The following ERBB3 variants were observed in gnomAD, a reference collection of about 807,000 sequenced individuals.
The protein encoded by ERBB3 is receptor tyrosine-protein kinase erbB-3.
In ERBB3, 96 loss-of-function variants were observed where a neutral mutation model predicts 156.7. The observed-to-expected ratio is 0.61, with a 90% CI of 0.52 to 0.73. The LOEUF is 0.73. Among genes scored for constraint, ERBB3 ranks in the 30% least tolerant of loss-of-function variants. The pLI, the probability that ERBB3 is intolerant of heterozygous loss-of-function variation, is 0.00. For missense variants in ERBB3, 1,406 were observed against 1,709.4 expected (o/e 0.82, Z 3.13); for synonymous variants, 567 against 632.0 (o/e 0.90, Z 1.54).
In ERBB3 at chr12:56,080,280, C is replaced by G. The variant is rs759686993; in HGVS notation, c.-21C>G. On this transcript the variant is annotated 5_prime_UTR_variant, in exon 1 of 28. Coordinates refer to ENST00000267101, the MANE Select transcript of ERBB3 (RefSeq NM_001982.4). The stretch of plus-strand genomic sequence containing the variant: ...CCCCCGGGCCGGACTTGGCTGGGCT[C>G]CCTTCACCCTCTGCGGAGTCATGAG... The G allele has an allele frequency of 5.8e-5, 90 of 1,551,970 alleles. 4 individuals are homozygous for G. In the South Asian group the frequency reaches 9.9e-4, roughly 17 times the overall value.
rs2136823163 is a variant in ERBB3, at chr12:56,098,925, C to T, written c.2839+20C>T. 6.3e-7 allele frequency: 1 copy of T among 1,597,790 alleles called. No homozygotes were observed. The highest frequency in any genetic ancestry group is 1.7e-5 in the Admixed American group (1 of 58,324). ...TCAAGTGTGAGTTACCTGCTGAGCCCAACCATTTTCTCTTTTTTTCTTTTT... is the reference window on the plus strand; with the variant it reads ...TCAAGTGTGAGTTACCTGCTGAGCCTAACCATTTTCTCTTTTTTTCTTTTT... On this transcript the variant is annotated intron_variant, in intron 23 of 27. Transcript: ENST00000267101.
At chr12:56,080,483 T>C in intron 1 of ERBB3, 101 bp downstream of exon 1, 2 of 943,126 alleles carry the variant, frequency 2.1e-6, no homozygotes, top group Non-Finnish European at 3.2e-6. Context: ...GGCGCGGGGT[T>C]GTGGGTGCTG....
rs762354688 is a variant in ERBB3 at position 56,087,783 on chromosome 12, C to A, written c.614-12C>A. ...AGGAGCCCTAACAGCCATGCTTTCT[C>A]TCCTTCCATAGTGACCAAGACCATC... On this transcript the variant is annotated splice_polypyrimidine_tract_variant and intron_variant, in intron 5 of 27. Transcript: ENST00000267101. 39 of 1,611,076 alleles carry A rather than the reference C, an allele frequency of 2.4e-5. No homozygotes were observed. Among genetic ancestry groups the A allele is most frequent in the Non-Finnish European group, 3.2e-5 (38 of 1,177,390 alleles).
In ERBB3 at chr12:56,102,727, G is replaced by C. The variant is rs1869153979; in HGVS notation, c.*672G>C. On this transcript the variant is annotated 3_prime_UTR_variant, in exon 28 of 28. Transcript: ENST00000267101. ...CTCATGCCTGTAATCTCAGCACTTT[G>C]GGAGGCTGAGGCAGAAGGATTACCT... 4.6e-6 allele frequency: 1 copy of C among 218,956 alleles called. No individual in the cohort carries two copies. The highest frequency in any genetic ancestry group is 9.1e-6 in the Non-Finnish European group (1 of 110,480). 13.6% of individuals were successfully genotyped at this position (218,956 alleles called of 1,614,324 possible). A position where few individuals can be genotyped will look rare whatever the true frequency, so the allele number is the denominator to read the frequency against.
chr12:56,095,883 A>T, intron 17 of ERBB3, 77 bp downstream of exon 17: 1 of 1,529,360 alleles, frequency 6.5e-7, no homozygotes. Flanking sequence ...CTTAATTTTG[A>T]GTGGTACCCT....
intron 4 of ERBB3, 34 bp from the exon 5 acceptor site, chr12:56,087,543 G>A (rs1296280364): frequency 1.7e-5 from 27 of 1,582,410 alleles, no homozygotes; most frequent in Non-Finnish European, 2.3e-5. Flanking sequence ...TCTTAGCCCT[G>A]ATGGCCCCTT....
At chr12:56,092,937 CAAGA>C (rs1228445450) in intron 10 of ERBB3, 45 bp from the exon 11 acceptor site, 1 of 1,569,444 alleles carries the variant, frequency 6.4e-7, no homozygotes, top group Non-Finnish European at 8.8e-7. Flanking sequence ...CAGGAGAACC[CAAGA>C]AAGAAGAAGG....
At position 56,101,368 on chromosome 12, in the gene ERBB3, G is replaced by A; in HGVS notation, c.3502+7G>A. 2 of 1,613,510 alleles carry A rather than the reference G, an allele frequency of 1.2e-6. No individual in the cohort carries two copies. Among genetic ancestry groups the A allele is most frequent in the Admixed American group, 3.3e-5 (2 of 60,006 alleles). ...CCAGATACACACCTCAAAGGTGCCT[G>A]ACTCTTCCTAGGGCTTTCCTCAATT... On this transcript the variant is annotated splice_region_variant and intron_variant, in intron 27 of 27. Transcript: ENST00000267101.
At position 56,099,825 on chromosome 12, in the gene ERBB3, C is replaced by T. The variant is rs1313503431; in HGVS notation, c.2938-13C>T. On this transcript the variant is annotated splice_polypyrimidine_tract_variant and intron_variant, in intron 24 of 27. Coordinates refer to ENST00000267101, the MANE Select transcript of ERBB3 (RefSeq NM_001982.4). ...GAACCAGGATTCCCCCTAACAATCA[C>T]CTATCGATATAGAGAGAGAGTGGGC... The T allele has an allele frequency of 6.2e-7, 1 of 1,613,710 alleles. No individual in the cohort carries two copies. Among genetic ancestry groups the T allele is most frequent in the East Asian group, 2.2e-5 (1 of 44,878 alleles).
rs1221019326 is a variant in ERBB3 at position 56,095,726 on chromosome 12, C to T, written c.1975C>T (p.Leu659=). 1.2e-6 allele frequency: 2 copies of T among 1,614,164 alleles called. No individual in the cohort carries two copies. Among genetic ancestry groups the T allele is most frequent in the South Asian group, 1.1e-5 (1 of 91,088 alleles). The stretch of plus-strand genomic sequence containing the variant: ...AGGATTGGTAGTGATTTTCATGATG[C>T]TGGGCGGCACTTTTCTCTACTGGCG... ...IAGLVVIFMM[L]GGTFLYWRGR... The change falls in exon 17 of 28, where the codon CTG becomes TTG. Residue 659 remains leucine (L), a synonymous_variant. Transcript: ENST00000267101.
intron 9 of ERBB3, among the ~76,000 whole-genome samples, chr12:56,090,954 C>G (rs1868660308): frequency 6.6e-6 from 1 of 152,002 alleles, no homozygotes; most frequent in South Asian, 2.1e-4. Flanking sequence ...ACATTACATT[C>G]AGTTATCGTG....
rs936833676 is a variant in ERBB3, at chr12:56,103,481, A to T, written c.*1426A>T. ...TTGTTTTGTTTTTATACGTGTCTGAATAAAAATGCCAAAGTTTTTTTTCAG... is the reference window on the plus strand; with the variant it reads ...TTGTTTTGTTTTTATACGTGTCTGATTAAAAATGCCAAAGTTTTTTTTCAG... On this transcript the variant is annotated 3_prime_UTR_variant, in exon 28 of 28. Coordinates refer to ENST00000267101, the MANE Select transcript of ERBB3 (RefSeq NM_001982.4). 1.0e-5 allele frequency: 2 copies of T among 196,374 alleles called. No individual in the cohort carries two copies. Among genetic ancestry groups the T allele is most frequent in the African/African-American group, 4.6e-5 (2 of 43,232 alleles). 12.2% of individuals were successfully genotyped at this position (196,374 alleles called of 1,614,324 possible). A position where few individuals can be genotyped will look rare whatever the true frequency, so the allele number is the denominator to read the frequency against.
intron 11 of ERBB3, 129 bp downstream of exon 11, chr12:56,093,205 C>A: frequency 7.7e-6 from 9 of 1,165,952 alleles, no homozygotes; most frequent in Non-Finnish European, 1.2e-5. Context: ...CAGAGTTTCA[C>A]GAGGAAAAGG....
chr12:56,089,699 T>A (rs973245436), intron 9 of ERBB3, among the ~76,000 whole-genome samples: 1 of 150,820 alleles, frequency 6.6e-6, no homozygotes, highest in African/African-American at 2.4e-5. Context: ...GAACCGAGAT[T>A]ACACCACCGC....
At chr12:56,099,245 C>G (rs1003515640) in intron 23 of ERBB3, among the ~76,000 whole-genome samples, 9 of 151,390 alleles carry the variant, frequency 5.9e-5, no homozygotes, top group Non-Finnish European at 1.2e-4. Context: ...TGTGAGCCAT[C>G]ATGCTCGGCC....
In ERBB3 at chr12:56,096,768, T is replaced by G; in HGVS notation, c.2196T>G (p.Gly732=). The part of the protein sequence containing the change: ...TVHKGVWIPE[G]ESIKIPVCIK... ...CCCAGGGAGTGTGGATCCCTGAGGG[T>G]GAATCAATCAAGATTCCAGTCTGCA... is the stretch of plus-strand genomic sequence containing the variant. The change falls in exon 19 of 28, where the codon GGT becomes GGG. Residue 732 remains glycine, a synonymous_variant. Transcript: ENST00000267101. 6.2e-7 allele frequency: 1 copy of G among 1,613,808 alleles called. No individual in the cohort carries two copies. The highest frequency in any genetic ancestry group is 8.5e-7 in the Non-Finnish European group (1 of 1,179,854).
chr12:56,094,500 C>T lies in ERBB3; in HGVS notation c.1803C>T (p.Tyr601=). The T allele has an allele frequency of 6.2e-7, 1 of 1,614,144 alleles. No homozygotes were observed. The highest frequency in any genetic ancestry group is 8.5e-7 in the Non-Finnish European group (1 of 1,180,040). The change falls in exon 15 of 28, where the codon TAC becomes TAT. Residue 601 remains tyrosine (Y), a synonymous_variant. Coordinates refer to ENST00000267101, the MANE Select transcript of ERBB3 (RefSeq NM_001982.4). ...HGVLGAKGPI[Y]KYPDVQNECR... ...TCCTAGGTGCCAAGGGCCCAATCTACAAGTACCCAGATGTTCAGAATGAAT... is the reference window on the plus strand; with the variant it reads ...TCCTAGGTGCCAAGGGCCCAATCTATAAGTACCCAGATGTTCAGAATGAAT...
Position 56,085,128 on chromosome 12 carries a change from A to AT in ERBB3, c.369dup (p.Asn124Ter). On this transcript the variant is annotated frameshift_variant, in exon 3 of 28. Transcript: ENST00000267101. LOFTEE classifies it high-confidence loss of function. ...TTTGCCATCTTCGTCATGTTGAACT[A>AT]TAACACCAACTCCAGCCACGCTCTG... 6.2e-7 allele frequency: 1 copy of AT among 1,614,118 alleles called. No homozygotes were observed. Among genetic ancestry groups the AT allele is most frequent in the Non-Finnish European group, 8.5e-7 (1 of 1,180,002 alleles).
intron 26 of ERBB3, 121 bp downstream of exon 26, chr12:56,100,366 G>A (rs1869048996): frequency 1.2e-6 from 1 of 851,310 alleles, no homozygotes; most frequent in Admixed American, 1.8e-5. Context: ...TGAGGGCCGG[G>A]CGAGTTGGCT....
Sources: allele counts gnomAD v4.1 joint callset (sites outside exome capture counted in the v4.1 genomes callset), GRCh38; gene constraint gnomAD v4.1.1; transcripts MANE v1.5; gene names NCBI Gene and HGNC (gene_info 2026-07-23, HGNC 2026-07-21).